HNRNPLL: variants seen among roughly 807,000 people sequenced by gnomAD.
HNRNPLL encodes heterogeneous nuclear ribonucleoprotein L-like.
In HNRNPLL, 25 loss-of-function variants were observed where a neutral mutation model predicts 67.1. The observed-to-expected ratio is 0.37, with a 90% CI of 0.27 to 0.52. HNRNPLL has a LOEUF of 0.52. Among genes scored for constraint, HNRNPLL ranks in the 20% least tolerant of loss-of-function variants. The pLI is 0.90. For synonymous variants in HNRNPLL, 267 were observed against 241.7 expected, an observed-to-expected ratio of 1.10 and a Z score of -0.97; for missense variants, 542 against 673.9, an observed-to-expected ratio of 0.80 and a Z score of 2.17.
intron 1 of HNRNPLL, among the ~76,000 whole-genome samples, chr2:38,593,608 G>C (rs1427382471): frequency 1.3e-5 from 2 of 152,056 alleles, no homozygotes; most frequent in Non-Finnish European, 2.9e-5. Context: ...CCAAATGCTG[G>C]GCCAGACGTG....
intron 12 of HNRNPLL, among the ~76,000 whole-genome samples, chr2:38,566,821 T>C (rs1010774769): frequency 1.5e-5 from 2 of 135,570 alleles, no homozygotes; most frequent in African/African-American, 5.4e-5. Context: ...TTGTCTCTAT[T>C]AAAAAAAAAA....
chr2:38,564,350 A>G, intron 12 of HNRNPLL, 113 bp from the exon 13 acceptor site: 2 of 634,268 alleles, frequency 3.2e-6, no homozygotes, highest in Non-Finnish European at 5.6e-6. Context: ...AAATATGGTG[A>G]ATATAAAGCA....
At chr2:38,578,775 T>C (rs925191847) in intron 6 of HNRNPLL, among the ~76,000 whole-genome samples, 8 of 152,082 alleles carry the variant, frequency 5.3e-5, no homozygotes, top group Non-Finnish European at 1.0e-4. Flanking sequence ...TTATATTGTA[T>C]AGAAATTGAT....
At chr2:38,596,312 G>C (rs985973225) in intron 1 of HNRNPLL, among the ~76,000 whole-genome samples, 14 of 134,096 alleles carry the variant, frequency 1.0e-4, no homozygotes, top group Admixed American at 7.9e-4. Context: ...ACCCAGGCTG[G>C]AGTGCAGTGG....
rs1406484749 is a variant in HNRNPLL, at chr2:38,602,670, G to A, written c.-44C>T. On this transcript the variant is annotated 5_prime_UTR_variant, in exon 1 of 13. Coordinates refer to ENST00000449105, the MANE Select transcript of HNRNPLL (RefSeq NM_138394.4). ...CGGCTGGCAGGCGGGTGGGGGTGGC[G>A]GTGGGGCGCGCGCCTCGGATGCCGC... The A allele has an allele frequency of 1.4e-6, 2 of 1,442,860 alleles. No individual in the cohort carries two copies. The highest frequency in any genetic ancestry group is 1.8e-6 in the Non-Finnish European group (2 of 1,104,234). The allele number at this position is 1,442,860 out of a possible 1,614,324, so 89.4% of individuals were successfully genotyped here. A position where few individuals can be genotyped will look rare whatever the true frequency, so the allele number is the denominator to read the frequency against.
In HNRNPLL at chr2:38,591,534, T is replaced by C. The variant is rs1167331802; in HGVS notation, c.304A>G (p.Ile102Val). Residue 102 changes from isoleucine (I) to valine (V), a missense_variant, in exon 2 of 13, where the codon ATA becomes GTA. Physicochemically the swap from Ile to Val is conservative, Grantham distance 29. Transcript: ENST00000449105. ...LVEALEKFGT[I>V]CYVMMMPFKR... ...TGAAGTCCCTATCATCCTTACCATA[T>C]TGTCCCAAATTTTTCCAGCGCTTCC... 5 of 1,575,944 alleles carry C rather than the reference T, an allele frequency of 3.2e-6. No homozygotes were observed. The highest frequency in any genetic ancestry group is 2.2e-5 in the South Asian group (2 of 90,246).
chr2:38,569,528 A>C (rs1665990078), intron 9 of HNRNPLL, among the ~76,000 whole-genome samples, 194 bp from the exon 10 acceptor site: 1 of 152,162 alleles, frequency 6.6e-6, no homozygotes, highest in Admixed American at 6.5e-5. Context: ...TAGAAAGAAA[A>C]TCTATTAAAT....
At chr2:38,600,689 CGAGCTGCTGCACTCCA>C (rs926412206) in intron 1 of HNRNPLL, among the ~76,000 whole-genome samples, 7 of 151,192 alleles carry the variant, frequency 4.6e-5, no homozygotes, top group Admixed American at 6.6e-5. Context: ...GCCGTGATCA[CGAGCTGCTGCACTCCA>C]GAGCTGCTGC....
intron 7 of HNRNPLL, 98 bp from the exon 8 acceptor site, chr2:38,573,525 C>T (rs1041467592): frequency 2.5e-5 from 19 of 765,706 alleles, no homozygotes; most frequent in Admixed American, 1.9e-4. Flanking sequence ...AAAAAATAAA[C>T]TCTTAATATT....
intron 6 of HNRNPLL, among the ~76,000 whole-genome samples, chr2:38,579,184 C>A (rs1666422270): frequency 6.6e-6 from 1 of 152,024 alleles, no homozygotes; most frequent in Admixed American, 6.6e-5. Context: ...TCAGACGATT[C>A]CAACTTAAAC....
At chr2:38,574,035 G>T (rs1402485035) in intron 7 of HNRNPLL, among the ~76,000 whole-genome samples, 2 of 151,612 alleles carry the variant, frequency 1.3e-5, no homozygotes, top group Non-Finnish European at 2.9e-5. Flanking sequence ...CCATTTTTTT[G>T]AAACAGTATC....
chr2:38,586,932 T>C (rs1049400904), intron 2 of HNRNPLL, among the ~76,000 whole-genome samples: 2 of 152,108 alleles, frequency 1.3e-5, no homozygotes, highest in African/African-American at 4.8e-5. Context: ...TATATTTTAA[T>C]ACAGGAAATG....
chr2:38,600,687 C>T lies in HNRNPLL; in HGVS notation c.189+1751G>A, dbSNP rs116807150. ...GATCAAGGCTGCAGTGAGCCGTGAT[C>T]ACGAGCTGCTGCACTCCAGAGCTGC... On this transcript the variant is annotated intron_variant, in intron 1 of 12. Coordinates refer to ENST00000449105, the MANE Select transcript of HNRNPLL (RefSeq NM_138394.4). 6.4e-3 allele frequency among the ~76,000 whole-genome samples: 971 copies of T among 151,348 alleles called. 10 individuals carry two copies. Among genetic ancestry groups the T allele is most frequent in the African/African-American group, 0.021 (862 of 41,192 alleles).
intron 12 of HNRNPLL, chr2:38,565,951 G>A (rs904576448): frequency 1.3e-5 from 11 of 821,222 alleles, no homozygotes; most frequent in Non-Finnish European, 1.6e-5. Flanking sequence ...TGTTATTCCA[G>A]CCATAAATCA....
At chr2:38,575,254 T>G (rs1666253695) in intron 7 of HNRNPLL, among the ~76,000 whole-genome samples, 1 of 151,798 alleles carries the variant, frequency 6.6e-6, no homozygotes, top group South Asian at 2.1e-4. Flanking sequence ...TCAGACGTCT[T>G]TTAAAAGTTT....
chr2:38,591,744 A>G (rs2148376998), intron 1 of HNRNPLL, 96 bp from the exon 2 acceptor site: 1 of 671,908 alleles, frequency 1.5e-6, no homozygotes, highest in Non-Finnish European at 2.6e-6. Context: ...GGGAGGTCAA[A>G]GTGGGAGGGT....
chr2:38,564,392 G>A (rs530353415), intron 12 of HNRNPLL, among the ~76,000 whole-genome samples, 155 bp from the exon 13 acceptor site: 5 of 151,904 alleles, frequency 3.3e-5, no homozygotes, highest in South Asian at 2.1e-4. Context: ...GGCCAGATGC[G>A]GTGGCTCACC....
At chr2:38,566,114 A>C (rs1269374213) in intron 12 of HNRNPLL, 1 of 987,036 alleles carries the variant, frequency 1.0e-6, no homozygotes, top group Non-Finnish European at 1.2e-6. Flanking sequence ...CACGCCTGTA[A>C]TCCCAGCACT....
At chr2:38,581,640 G>A (rs1286547615) in intron 6 of HNRNPLL, 3 of 511,986 alleles carry the variant, frequency 5.9e-6, no homozygotes, top group Non-Finnish European at 1.0e-5. Flanking sequence ...CAAAGAGAGA[G>A]AGCTGCTTGG....
Sources: gnomAD v4.1 joint callset for allele counts (sites outside exome capture counted in the v4.1 genomes callset) on GRCh38, gnomAD v4.1.1 for gene constraint, MANE v1.5 for transcripts, NCBI Gene and HGNC (gene_info 2026-07-23, HGNC 2026-07-21) for gene names.